WWP1: variants seen among roughly 807,000 people sequenced by gnomAD.
WWP1 encodes WW domain containing E3 ubiquitin protein ligase 1.
WWP1 carries 49 observed loss-of-function variants against 130.6 expected under a neutral mutation model. The ratio of observed to expected loss-of-function variants is 0.38; its 90% CI spans 0.30 to 0.48. WWP1 has a LOEUF of 0.48. Among genes scored for constraint, WWP1 ranks in the 20% least tolerant of loss-of-function variants. The probability of loss-of-function intolerance (pLI) is 0.99; values close to 1 mark genes in which losing one functional copy is unlikely to be tolerated. For synonymous variants in WWP1, 332 were observed against 367.8 expected, an observed-to-expected ratio of 0.90 and a Z score of 1.11; for missense variants, 809 against 1,100.6, an observed-to-expected ratio of 0.74 and a Z score of 3.75.
intron 1 of WWP1, among the ~76,000 whole-genome samples, chr8:86,344,753 G>C (rs561026319): frequency 6.7e-6 from 1 of 148,168 alleles, no homozygotes; most frequent in South Asian, 2.1e-4. Context: ...AATCCTAGCA[G>C]AGAGGTATCT....
intron 5 of WWP1, among the ~76,000 whole-genome samples, chr8:86,396,162 G>C (rs1422661655): frequency 6.6e-6 from 1 of 151,590 alleles, no homozygotes; most frequent in Non-Finnish European, 1.5e-5. Flanking sequence ...GCAGTGGCGC[G>C]ATCTCAGCTC....
In WWP1 at chr8:86,419,249, C is replaced by G. The variant is rs2130609622; in HGVS notation, c.1062-5974C>G. Among the ~76,000 whole-genome samples, 2 of 152,252 alleles carry G rather than the reference C, an allele frequency of 1.3e-5. 1 individual carries two copies. The highest frequency in any genetic ancestry group is 3.9e-4 in the East Asian group (2 of 5,180). On this transcript the variant is annotated intron_variant, in intron 9 of 24. Transcript: ENST00000517970. ...CTTGGCCAATATGGTAAAACCCTGT[C>G]TCTACTAAAAATACAAAAATTAGCC...
In WWP1 at chr8:86,461,251, A is replaced by G; in HGVS notation, c.2527A>G (p.Arg843Gly). Reference sequence around the variant, plus strand: ...TGTGAAAGAGACAGACAATGAAGTAAGAATGCGACTATTGCAGTTCGTCAC... The same window carrying G: ...TGTGAAAGAGACAGACAATGAAGTAGGAATGCGACTATTGCAGTTCGTCAC... Reference protein sequence around the residue: ...QFVKETDNEVRMRLLQFVTGT... With the variant: ...QFVKETDNEVGMRLLQFVTGT... Residue 843 changes from arginine to glycine, a missense_variant, in exon 23 of 25, where the codon AGA becomes GGA. Transcript: ENST00000517970. The G allele has an allele frequency of 6.2e-7, 1 of 1,614,182 alleles. No individual in the cohort carries two copies. The highest frequency in any genetic ancestry group is 8.5e-7 in the Non-Finnish European group (1 of 1,180,010).
intron 1 of WWP1, among the ~76,000 whole-genome samples, chr8:86,343,810 G>A (rs1421831078): frequency 1.3e-5 from 2 of 151,984 alleles, no homozygotes; most frequent in African/African-American, 4.8e-5. Context: ...TTTTTTCTGT[G>A]TGTGTGTAGG....
chr8:86,438,880 A>G (rs1810439480), intron 17 of WWP1, among the ~76,000 whole-genome samples: 1 of 152,158 alleles, frequency 6.6e-6, no homozygotes, highest in Admixed American at 6.5e-5. Context: ...GTAAATTTGT[A>G]TATATGTGTA....
rs1179402085 is a variant in WWP1, at chr8:86,411,787, A to G, written c.974A>G (p.Glu325Gly). 1.8e-5 allele frequency: 29 copies of G among 1,614,058 alleles called. No homozygotes were observed. The highest frequency in any genetic ancestry group is 2.5e-5 in the Non-Finnish European group (29 of 1,180,044). Residue 325 changes from glutamate to glycine, a missense_variant, in exon 9 of 25, where the codon GAA becomes GGA. Glu to Gly is a moderately conservative substitution (Grantham distance 98, BLOSUM62 -2). Transcript: ENST00000517970. Reference protein sequence around the residue: ...TSNSRSSSAFEAAKSRQPDGC... With the variant: ...TSNSRSSSAFGAAKSRQPDGC... ...AATTCTAGAAGTAGTTCTGCTTTTG[A>G]AGCAGCCAAATCAAGACAGCCAGAT...
chr8:86,359,851 C>T (rs1255228870), intron 1 of WWP1, among the ~76,000 whole-genome samples: 2 of 152,000 alleles, frequency 1.3e-5, no homozygotes, highest in Admixed American at 1.3e-4. Flanking sequence ...AGATCGAGAC[C>T]ATCCTGGCTA....
chr8:86,425,789 A>T (rs1039058639), intron 10 of WWP1, among the ~76,000 whole-genome samples: 1 of 152,226 alleles, frequency 6.6e-6, no homozygotes, highest in African/African-American at 2.4e-5. Flanking sequence ...TTTTAAATTA[A>T]TAAAGTTTTT....
chr8:86,398,783 A>T, intron 7 of WWP1, 145 bp downstream of exon 7: 2 of 823,380 alleles, frequency 2.4e-6, no homozygotes, highest in South Asian at 3.8e-5. Flanking sequence ...AATTCTTGTG[A>T]AAGTAGCTTT....
intron 20 of WWP1, 46 bp from the exon 21 acceptor site, chr8:86,452,513 C>T: frequency 4.0e-6 from 6 of 1,511,642 alleles, no homozygotes; most frequent in Non-Finnish European, 5.4e-6. Context: ...AAGTATTTTA[C>T]TTCACATATA....
chr8:86,438,788 A>G, intron 17 of WWP1, 115 bp downstream of exon 17: 2 of 839,028 alleles, frequency 2.4e-6, no homozygotes. Flanking sequence ...TTAACAATCC[A>G]GAATTTTTCT....
At chr8:86,365,492 T>C (rs1340793241) in intron 1 of WWP1, among the ~76,000 whole-genome samples, 1 of 152,204 alleles carries the variant, frequency 6.6e-6, no homozygotes, top group Non-Finnish European at 1.5e-5. Context: ...TTATTTGTTA[T>C]TTGTCTGGTA....
intron 5 of WWP1, among the ~76,000 whole-genome samples, chr8:86,394,669 C>T (rs532161135): frequency 2.6e-5 from 4 of 152,232 alleles, no homozygotes; most frequent in South Asian, 2.1e-4. Flanking sequence ...ATAAATACAT[C>T]GGAGTTGGTT....
chr8:86,342,738 G>T lies in WWP1; in HGVS notation c.-307G>T. 2.8e-6 allele frequency: 1 copy of T among 359,550 alleles called. No homozygotes were observed. Among genetic ancestry groups the T allele is most frequent in the South Asian group, 1.3e-4 (1 of 7,514 alleles). 22.3% of individuals were successfully genotyped at this position (359,550 alleles called of 1,614,324 possible). A position where few individuals can be genotyped will look rare whatever the true frequency, so the allele number is the denominator to read the frequency against. ...GGGGGTGGGGGGAGGGTCGGGTGTCGGCGAGCTCCGCGTGCGGGTTCCGAG... is the reference window on the plus strand; with the variant it reads ...GGGGGTGGGGGGAGGGTCGGGTGTCTGCGAGCTCCGCGTGCGGGTTCCGAG... On this transcript the variant is annotated 5_prime_UTR_variant, in exon 1 of 25. Transcript: ENST00000517970.
intron 1 of WWP1, among the ~76,000 whole-genome samples, chr8:86,353,650 C>G (rs980726268): frequency 6.6e-6 from 1 of 152,006 alleles, no homozygotes; most frequent in Non-Finnish European, 1.5e-5. Flanking sequence ...GTGACACCTG[C>G]TGGCTAATTT....
chr8:86,365,215 C>T (rs1429924285), intron 1 of WWP1, among the ~76,000 whole-genome samples: 2 of 152,154 alleles, frequency 1.3e-5, no homozygotes, highest in African/African-American at 2.4e-5. Context: ...GGTATTCATA[C>T]TAACTTAGGA....
intron 7 of WWP1, among the ~76,000 whole-genome samples, chr8:86,400,168 A>G (rs1004154425): frequency 6.6e-6 from 1 of 151,970 alleles, no homozygotes; most frequent in African/African-American, 2.4e-5. Flanking sequence ...GTCTCTACTA[A>G]AAATACAAAA....
At chr8:86,352,021 T>C (rs899280119) in intron 1 of WWP1, among the ~76,000 whole-genome samples, 1 of 150,032 alleles carries the variant, frequency 6.7e-6, no homozygotes, top group Non-Finnish European at 1.5e-5. Flanking sequence ...TTTTTCTAGC[T>C]AGCTAGCTAA....
chr8:86,361,974 GTA>G (rs34016613), intron 1 of WWP1, among the ~76,000 whole-genome samples: 1,924 of 127,536 alleles, frequency 0.015, 38 homozygotes, highest in African/African-American at 0.044. Flanking sequence ...GTGTGTGTGT[GTA>G]TATATATATA....
Sources: allele counts gnomAD v4.1 joint callset (sites outside exome capture counted in the v4.1 genomes callset), GRCh38; gene constraint gnomAD v4.1.1; transcripts MANE v1.5; gene names NCBI Gene and HGNC (gene_info 2026-07-23, HGNC 2026-07-21).